Variants in CD2AP observed in about 807,000 individuals in gnomAD.
The protein encoded by CD2AP is CD2 associated protein.
In CD2AP, 46 loss-of-function variants were observed where a neutral mutation model predicts 85.1. That is an observed-to-expected ratio of 0.54 (90% CI 0.43 to 0.69). The LOEUF (loss-of-function observed/expected upper bound fraction) is 0.69. Among genes scored for constraint, CD2AP ranks in the 30% least tolerant of loss-of-function variants. The pLI, the probability that CD2AP is intolerant of heterozygous loss-of-function variation, is 0.00. For missense variants in CD2AP, 769 were observed against 729.5 expected, an observed-to-expected ratio of 1.05 and a Z score of -0.62; for synonymous variants, 255 against 252.9, an observed-to-expected ratio of 1.01 and a Z score of -0.08.
At chr6:47,568,557 A>T (rs991151523) in intron 5 of CD2AP, among the ~76,000 whole-genome samples, 1 of 151,990 alleles carries the variant, frequency 6.6e-6, no homozygotes, top group Admixed American at 6.6e-5. Context: ...CTGGCCCACA[A>T]GTTGAAACCC....
At chr6:47,601,885 A>G (rs1769147469) in intron 13 of CD2AP, among the ~76,000 whole-genome samples, 1 of 151,948 alleles carries the variant, frequency 6.6e-6, no homozygotes, top group Admixed American at 6.6e-5. Flanking sequence ...AAGGGGTTTT[A>G]TTTACTAGTT....
At chr6:47,516,817 A>G (rs570629286) in intron 2 of CD2AP, among the ~76,000 whole-genome samples, 30 of 152,332 alleles carry the variant, frequency 2.0e-4, no homozygotes, top group Admixed American at 7.2e-4. Context: ...GTAAATAGGA[A>G]AGTCATGGAC....
intron 2 of CD2AP, among the ~76,000 whole-genome samples, chr6:47,519,386 T>C (rs575941478): frequency 5.3e-4 from 80 of 152,298 alleles, no homozygotes; most frequent in Non-Finnish European, 1.1e-3. Flanking sequence ...TTCTAGCTAC[T>C]CTACTAGAGC....
chr6:47,507,599 C>T (rs1448507919), intron 2 of CD2AP, among the ~76,000 whole-genome samples: 2 of 152,128 alleles, frequency 1.3e-5, no homozygotes, highest in Non-Finnish European at 2.9e-5. Flanking sequence ...GCTCCCACCA[C>T]CACGCCCAGC....
chr6:47,607,295 A>G (rs1414609149), intron 14 of CD2AP, among the ~76,000 whole-genome samples: 1 of 152,062 alleles, frequency 6.6e-6, no homozygotes, highest in African/African-American at 2.4e-5. Flanking sequence ...TCCCTTTGAT[A>G]TACAGATTTC....
chr6:47,579,620 G>A, intron 9 of CD2AP, 131 bp downstream of exon 9: 1 of 650,780 alleles, frequency 1.5e-6, no homozygotes, highest in Middle Eastern at 4.0e-4. Flanking sequence ...TATTCAGGTA[G>A]GAGTTATTTG....
chr6:47,624,080 A>G (rs1769834280), intron 17 of CD2AP, 106 bp from the exon 18 acceptor site: 2 of 952,886 alleles, frequency 2.1e-6, no homozygotes, highest in East Asian at 2.6e-5. Flanking sequence ...TCTGGAAAAA[A>G]AGTCTGAAGG....
At chr6:47,492,100 TTTTAC>T (rs1420156030) in intron 1 of CD2AP, among the ~76,000 whole-genome samples, 18 of 152,320 alleles carry the variant, frequency 1.2e-4, no homozygotes, top group African/African-American at 3.4e-4. Context: ...ACTTTGACCG[TTTTAC>T]TTTAAGTTTA....
At chr6:47,537,772 A>AT (rs1188517433) in intron 3 of CD2AP, among the ~76,000 whole-genome samples, 2 of 151,626 alleles carry the variant, frequency 1.3e-5, no homozygotes, top group South Asian at 2.1e-4. Context: ...AAGCATTACG[A>AT]TTTTTTTATT....
At chr6:47,512,807 T>C (rs1224331685) in intron 2 of CD2AP, among the ~76,000 whole-genome samples, 2 of 152,266 alleles carry the variant, frequency 1.3e-5, no homozygotes, top group Admixed American at 6.5e-5. Flanking sequence ...TTAAGTTGTA[T>C]GTATCCTTTA....
intron 11 of CD2AP, among the ~76,000 whole-genome samples, chr6:47,592,757 G>A (rs1296352586): frequency 6.6e-6 from 1 of 152,126 alleles, no homozygotes; most frequent in East Asian, 1.9e-4. Flanking sequence ...GGGATAGGAA[G>A]GTGGTACACC....
intron 2 of CD2AP, among the ~76,000 whole-genome samples, chr6:47,517,188 C>T (rs2114001643): frequency 6.6e-6 from 1 of 152,244 alleles, no homozygotes. Context: ...CCCCTTTCTT[C>T]TTCTGCCATG....
At chr6:47,488,766 C>T (rs1428888232) in intron 1 of CD2AP, among the ~76,000 whole-genome samples, 1 of 151,958 alleles carries the variant, frequency 6.6e-6, no homozygotes, top group Admixed American at 6.6e-5. Context: ...TGGCATACCC[C>T]TGTAGTCCCA....
intron 1 of CD2AP, among the ~76,000 whole-genome samples, chr6:47,486,308 C>T (rs1403716497): frequency 6.6e-6 from 1 of 152,112 alleles, no homozygotes; most frequent in African/African-American, 2.4e-5. Flanking sequence ...AATGCTTCTG[C>T]CTCTCCCTCC....
At chr6:47,562,578 G>C (rs1420949843) in intron 5 of CD2AP, 1 of 353,056 alleles carries the variant, frequency 2.8e-6, no homozygotes, top group African/African-American at 2.1e-5. Context: ...CAAAAGCTTG[G>C]ATGTGTTGAA....
chr6:47,589,754 G>A (rs530223584), intron 11 of CD2AP, among the ~76,000 whole-genome samples: 2 of 151,928 alleles, frequency 1.3e-5, no homozygotes, highest in South Asian at 2.1e-4. Context: ...AAGAACTTTC[G>A]ATAGACTTTT....
intron 16 of CD2AP, among the ~76,000 whole-genome samples, chr6:47,610,971 A>ATATATATATATATATATATATATATTTTT: frequency 2.7e-5 from 3 of 112,866 alleles, no homozygotes; most frequent in African/African-American, 1.1e-4. Context: ...ATATATATGT[A>ATATATATATATATATATATATATATTTTT]TTTTTTTTTT....
At chr6:47,584,715 CACAA>C (rs1010005920) in intron 11 of CD2AP, among the ~76,000 whole-genome samples, 19 of 151,902 alleles carry the variant, frequency 1.3e-4, no homozygotes, top group Admixed American at 5.2e-4. Context: ...AAATATGCTG[CACAA>C]ACAATTTATG....
At chr6:47,531,798 C>A (rs755314914) in intron 2 of CD2AP, among the ~76,000 whole-genome samples, 1 of 152,042 alleles carries the variant, frequency 6.6e-6, no homozygotes, top group African/African-American at 2.4e-5. Context: ...TTCGGCCGGG[C>A]GTGGTGGCTC....
Sources: allele counts gnomAD v4.1 joint callset (sites outside exome capture counted in the v4.1 genomes callset), GRCh38; gene constraint gnomAD v4.1.1; transcripts MANE v1.5; gene names NCBI Gene and HGNC (gene_info 2026-07-23, HGNC 2026-07-21).